The following BIRC7 variants were observed in gnomAD, a reference collection of about 807,000 sequenced individuals.
BIRC7 encodes baculoviral IAP repeat containing 7, also known as baculoviral IAP repeat-containing protein 7.
BIRC7 carries 26 observed loss-of-function variants against 33.2 expected under a neutral mutation model. The ratio of observed to expected loss-of-function variants is 0.78; its 90% CI spans 0.57 to 1.09. The LOEUF (loss-of-function observed/expected upper bound fraction) is 1.09, where lower values mean the gene tolerates loss of function less well. Among genes scored for constraint, BIRC7 ranks in the 50% least tolerant of loss-of-function variants. BIRC7 has a pLI of 0.00. For missense variants in BIRC7, 409 were observed against 401.2 expected (o/e 1.02, Z -0.17); for synonymous variants, 176 against 171.0 (o/e 1.03, Z -0.23).
In BIRC7 at chr20:63,239,702, T is replaced by TC. The variant is rs2066721827; in HGVS notation, c.*5+95dup. 1.0e-5 allele frequency: 15 copies of TC among 1,431,364 alleles called. No homozygotes were observed. The East Asian group carries it at 3.7e-4, about 36-fold the overall frequency. The allele number at this position is 1,431,364 out of a possible 1,614,324, so 88.7% of individuals were successfully genotyped here. A position where few individuals can be genotyped will look rare whatever the true frequency, so the allele number is the denominator to read the frequency against. On this transcript the variant is annotated intron_variant, in intron 6 of 6. Coordinates refer to ENST00000217169, the MANE Select transcript of BIRC7 (RefSeq NM_139317.3). ...GCCCTCCTGAACCCATGCAGGCCCTTCCCGGGTGGCAGCGTCAGCTTGTTT... is the reference window on the plus strand; with the variant it reads ...GCCCTCCTGAACCCATGCAGGCCCTTCCCCGGGTGGCAGCGTCAGCTTGTTT...
At chr20:63,236,491 A>G in intron 1 of BIRC7, 46 bp downstream of exon 1, 1 of 1,495,510 alleles carries the variant, frequency 6.7e-7, no homozygotes, top group Non-Finnish European at 8.9e-7. Context: ...CCTGGGCACG[A>G]TTCTGGACCC....
chr20:63,239,644 C>G, intron 6 of BIRC7, 34 bp downstream of exon 6: 1 of 1,563,572 alleles, frequency 6.4e-7, no homozygotes, highest in Non-Finnish European at 8.6e-7. Flanking sequence ...AGCCAGCCCT[C>G]CTGCGGAGGG....
rs756960830 is a variant in BIRC7 at position 63,239,608 on chromosome 20, C to T, written c.*3C>T. 6 of 1,592,166 alleles carry T rather than the reference C, an allele frequency of 3.8e-6. No individual in the cohort carries two copies. The highest frequency in any genetic ancestry group is 5.1e-6 in the Non-Finnish European group (6 of 1,176,302). On this transcript the variant is annotated splice_region_variant and 3_prime_UTR_variant, in exon 6 of 7. Transcript: ENST00000217169. ...GCGTGCGCACCTTCCTGTCCTAGGC[C>T]AGGTGAGCGCCCCAGCACCACGCGC...
At chr20:63,240,023 G>A (rs1039801945) in intron 6 of BIRC7, among the ~76,000 whole-genome samples, 1 of 152,258 alleles carries the variant, frequency 6.6e-6, no homozygotes. Context: ...TGCACGGGAA[G>A]GGGGTGTGTG....
At chr20:63,238,701 A>T in intron 4 of BIRC7, 87 bp downstream of exon 4, 1 of 1,523,276 alleles carries the variant, frequency 6.6e-7, no homozygotes, top group African/African-American at 1.4e-5. Context: ...ACCCTCCCAG[A>T]CAGCAGGGAG....
intron 4 of BIRC7, 123 bp downstream of exon 4, chr20:63,238,737 A>G: frequency 7.3e-7 from 1 of 1,370,252 alleles, no homozygotes; most frequent in Non-Finnish European, 1.0e-6. Flanking sequence ...ACAGGGTGTG[A>G]CGCTGCTGCC....
At position 63,238,447 on chromosome 20, in the gene BIRC7, G is replaced by A. The variant is rs6090326; in HGVS notation, c.501G>A (p.Gln167=). 16 of 1,612,660 alleles carry A rather than the reference G, an allele frequency of 9.9e-6. No homozygotes were observed. The Middle Eastern group carries it at 8.3e-4, about 83-fold the overall frequency. The change falls in exon 3 of 7, where the codon CAG becomes CAA. Residue 167 remains glutamine (Q), a synonymous_variant. Coordinates refer to ENST00000217169, the MANE Select transcript of BIRC7 (RefSeq NM_139317.3). ...SKGRDFVHSV[Q]ETHSQLLGSW... ...GAAGAGACTTTGTCCACAGTGTGCA[G>A]GAGACTCACTCCCAGCTGCTGGGCT...
At chr20:63,239,273 G>A (rs1236357769) in intron 5 of BIRC7, 40 bp downstream of exon 5, 6 of 1,609,774 alleles carry the variant, frequency 3.7e-6, no homozygotes, top group South Asian at 1.1e-5. Context: ...CTGGGGCAGG[G>A]GAGGGCTGAG....
chr20:63,237,065 G>A (rs1046749226), intron 1 of BIRC7, among the ~76,000 whole-genome samples: 2 of 152,248 alleles, frequency 1.3e-5, no homozygotes, highest in Non-Finnish European at 2.9e-5. Flanking sequence ...CCTGGCTGAA[G>A]GACAGGGCAG....
At chr20:63,239,326 T>C in intron 5 of BIRC7, 32 bp from the exon 6 acceptor site, 1 of 1,602,550 alleles carries the variant, frequency 6.2e-7, no homozygotes, top group East Asian at 2.2e-5. Context: ...GGGGCCAGGG[T>C]GTGGGGACAT....
chr20:63,237,962 G>A lies in BIRC7; in HGVS notation c.409G>A (p.Gly137Arg), dbSNP rs1288386908. The change falls in exon 2 of 7, where the codon GGG becomes AGG. Residue 137 changes from glycine to arginine, a missense_variant. By Grantham distance (125) the Gly-to-Arg change is moderately radical. Coordinates refer to ENST00000217169, the MANE Select transcript of BIRC7 (RefSeq NM_139317.3). ...TGGGGGCCTGCAGAGCTGGAAGCGC[G>A]GGGACGACCCCTGGACGGAGCATGC... ...CYGGLQSWKR[G>R]DDPWTEHAKW... is the part of the protein sequence containing the mutation. 7.5e-6 allele frequency: 12 copies of A among 1,608,698 alleles called. No individual in the cohort carries two copies. Among genetic ancestry groups the A allele is most frequent in the East Asian group, 4.5e-5 (2 of 44,670 alleles).
rs1348440469 is a variant in BIRC7, at chr20:63,238,061, C to A, written c.449+59C>A. The A allele has an allele frequency of 6.3e-6, 9 of 1,417,344 alleles. 1 individual carries two copies. In the Admixed American group the frequency reaches 2.0e-4, roughly 32 times the overall value. The allele number at this position is 1,417,344 out of a possible 1,614,324, so 87.8% of individuals were successfully genotyped here. On this transcript the variant is annotated intron_variant, in intron 2 of 6. Transcript: ENST00000217169. ...TCATGGGTAGGGGGTGGGCCCCCAA[C>A]GGCTCTGTCGACCCAACACCAGGCC... is the stretch of plus-strand genomic sequence containing the variant.
Position 63,236,346 on chromosome 20 carries a change from A to G in BIRC7, c.250A>G (p.Met84Val). The G allele has an allele frequency of 6.2e-7, 1 of 1,603,550 alleles. No individual in the cohort carries two copies. The highest frequency in any genetic ancestry group is 1.1e-5 in the South Asian group (1 of 90,632). ...GTCCAGGGGGCCTGCCTTCCCCGGC[A>G]TGGGCTCTGAGGAGTTGCGTCTGGC... ...TLSRGPAFPGMGSEELRLASF... is the reference protein window; with the variant it reads ...TLSRGPAFPGVGSEELRLASF... The change falls in exon 1 of 7, where the codon ATG becomes GTG. Residue 84 changes from methionine (M) to valine (V), a missense_variant. Coordinates refer to ENST00000217169, the MANE Select transcript of BIRC7 (RefSeq NM_139317.3).
At chr20:63,237,163 T>C (rs917989597) in intron 1 of BIRC7, among the ~76,000 whole-genome samples, 1 of 152,166 alleles carries the variant, frequency 6.6e-6, no homozygotes, top group African/African-American at 2.4e-5. Flanking sequence ...CTGGTAAGGC[T>C]GGACCAACTT....
intron 1 of BIRC7, among the ~76,000 whole-genome samples, chr20:63,236,725 T>A (rs538607341): frequency 6.6e-6 from 1 of 152,226 alleles, no homozygotes; most frequent in Non-Finnish European, 1.5e-5. Flanking sequence ...GCCGCCAGCT[T>A]GGTGCACAAG....
chr20:63,239,729 T>G, intron 6 of BIRC7, 119 bp downstream of exon 6: 1 of 1,340,658 alleles, frequency 7.5e-7, no homozygotes, highest in Non-Finnish European at 9.9e-7. Flanking sequence ...AGCTTGTTTT[T>G]ACCCGGCTCC....
chr20:63,238,474 C>T lies in BIRC7; in HGVS notation c.528C>T (p.Ser176=), dbSNP rs2273487. The change falls in exon 3 of 7, where the codon TCC becomes TCT. Residue 176 remains serine (S), a synonymous_variant. Coordinates refer to ENST00000217169, the MANE Select transcript of BIRC7 (RefSeq NM_139317.3). ...AGACTCACTCCCAGCTGCTGGGCTC[C>T]TGGGTGAGCGCCACCTCTCCTCGGG... ...VQETHSQLLG[S]WDPWEEPEDA... 0.47 allele frequency: 751,703 copies of T among 1,612,544 alleles called. 177,091 individuals are homozygous for T. The highest frequency in any genetic ancestry group is 0.54 in the East Asian group (24,371 of 44,860).
chr20:63,239,389 G>A lies in BIRC7; in HGVS notation c.681G>A (p.Ala227=), dbSNP rs373757098. 33 of 1,604,374 alleles carry A rather than the reference G, an allele frequency of 2.1e-5. No individual in the cohort carries two copies. The highest frequency in any genetic ancestry group is 8.3e-5 in the Admixed American group (5 of 59,986). The change falls in exon 6 of 7, where the codon GCG becomes GCA. Residue 227 remains alanine, a synonymous_variant. Transcript: ENST00000217169. Reference sequence around the variant, plus strand: ...TCAGTCCAGCCGAGGCCCAGAGGGCGTGGTGGGTTCTTGAGCCCCCAGGAG... The same window carrying A: ...TCAGTCCAGCCGAGGCCCAGAGGGCATGGTGGGTTCTTGAGCCCCCAGGAG... ...GGVSPAEAQR[A]WWVLEPPGAR... is the part of the protein sequence containing the mutation.
chr20:63,239,255 G>GA (rs1383915492), intron 5 of BIRC7, 22 bp downstream of exon 5: 1 of 1,610,872 alleles, frequency 6.2e-7, no homozygotes, highest in South Asian at 1.1e-5. Context: ...GGACCCCCTG[G>GA]GTGAGGGCTG....
Sources: allele counts gnomAD v4.1 joint callset (sites outside exome capture counted in the v4.1 genomes callset), GRCh38; gene constraint gnomAD v4.1.1; transcripts MANE v1.5; gene names NCBI Gene and HGNC (gene_info 2026-07-23, HGNC 2026-07-21).